Variants in DRP2 observed in about 807,000 individuals in gnomAD.
DRP2 encodes dystrophin related protein 2.
DRP2 carries 29 observed loss-of-function variants against 78.2 expected under a neutral mutation model. The observed-to-expected ratio is 0.37, with a 90% CI of 0.28 to 0.51. DRP2 has a LOEUF of 0.51. Ranked by LOEUF, DRP2 falls within the 20% of genes least tolerant of loss-of-function variation. DRP2 has a pLI of 0.94. For synonymous variants in DRP2, 290 were observed against 281.9 expected (o/e 1.03, Z -0.29); for missense variants, 686 against 770.6 (o/e 0.89, Z 1.30).
Position 101,242,410 on chromosome X carries a change from A to G in DRP2, c.914A>G (p.His305Arg). Residue 305 changes from histidine to arginine, a missense_variant, in exon 8 of 24, where the codon CAC (histidine) becomes CGC (arginine). By Grantham distance (29) the His-to-Arg change is conservative (BLOSUM62 0). Coordinates refer to ENST00000395209, the MANE Select transcript of DRP2 (RefSeq NM_001939.3). ...CACCAACTTGCCATTTCTGATGTGC[A>G]CTTGTCAATGGAGAATTCCCAGGCC... ...LAHQLAISDV[H>R]LSMENSQALE... 1 of 1,211,794 alleles carries G rather than the reference A, an allele frequency of 8.3e-7. No individual in the cohort carries two copies. The highest frequency in any genetic ancestry group is 1.1e-6 in the Non-Finnish European group (1 of 895,530).
In DRP2 at chrX:101,250,576, G is replaced by A. The variant is rs778779918; in HGVS notation, c.1694G>A (p.Arg565His). 1.3e-5 allele frequency: 15 copies of A among 1,190,654 alleles called. No homozygotes were observed. Among genetic ancestry groups the A allele is most frequent in the East Asian group, 3.0e-5 (1 of 33,436 alleles). The part of the protein sequence containing the change: ...NVEPSVRSCF[R>H]FSTGKPVIEA... The stretch of plus-strand genomic sequence containing the variant: ...GAGCCCAGTGTCCGTAGTTGCTTCC[G>A]TTTTGTGAGTATGGAACTGGGGAGT... Residue 565 changes from arginine to histidine, a missense_variant, in exon 15 of 24, where the codon CGT (arginine) becomes CAT (histidine). By Grantham distance (29) the Arg-to-His change is conservative. Coordinates refer to ENST00000395209, the MANE Select transcript of DRP2 (RefSeq NM_001939.3).
intron 23 of DRP2, 35 bp downstream of exon 23, chrX:101,260,204 C>T (rs1240981600): frequency 8.3e-7 from 1 of 1,204,028 alleles, no homozygotes; most frequent in African/African-American, 1.8e-5. Flanking sequence ...CCCCTTTCTC[C>T]ATGGCTTTGT....
rs1200281492 is a variant in DRP2 at position 101,224,610 on chromosome X, A to T, written c.-160A>T. Reference sequence around the variant, plus strand: ...ACCTCTTTCTTTTTAACAGCTACATAATATTCGCCGTGTGAGTGGCTATCG... The same window carrying T: ...ACCTCTTTCTTTTTAACAGCTACATTATATTCGCCGTGTGAGTGGCTATCG... On this transcript the variant is annotated 5_prime_UTR_variant, in exon 2 of 24. Coordinates refer to ENST00000395209, the MANE Select transcript of DRP2 (RefSeq NM_001939.3). 1 of 112,378 alleles carries T rather than the reference A, an allele frequency of 8.9e-6. No homozygotes were observed. Among genetic ancestry groups the T allele is most frequent in the Non-Finnish European group, 1.9e-5 (1 of 53,234 alleles). The allele number at this position is 112,378 out of a possible 1,213,427, so 9.3% of individuals were successfully genotyped here.
intron 23 of DRP2, 37 bp from the exon 24 acceptor site, chrX:101,260,460 T>C (rs780075232): frequency 1.7e-6 from 2 of 1,196,547 alleles, no homozygotes; most frequent in Admixed American, 2.2e-5. Context: ...TAAAGGAGTC[T>C]CTAGTTCTCT....
At position 101,256,553 on chromosome X, in the gene DRP2, T is replaced by A. The variant is rs1602935662; in HGVS notation, c.2390+292T>A. Among the ~76,000 whole-genome samples, 4 of 33,391 alleles carry A rather than the reference T, an allele frequency of 1.2e-4. No individual in the cohort carries two copies. The Admixed American group carries it at 1.8e-3, about 15-fold the overall frequency. The allele number at this position is 33,391 out of a possible 115,157, so 29.0% of individuals were successfully genotyped here. A position where few individuals can be genotyped will look rare whatever the true frequency, so the allele number is the denominator to read the frequency against. On this transcript the variant is annotated intron_variant, in intron 21 of 23. Transcript: ENST00000395209. ...TAATAATTATTTGAAAACTTTTAAA[T>A]TTTTTTTTTTTTTGAGACAGAGTCT...
chrX:101,263,571 T>C lies in DRP2; in HGVS notation c.*2950T>C, dbSNP rs964714799. ...TGACAGCAGAGTGGATTCACATTGA[T>C]TGGGCATTGTCACGGAAGGCTGACT... On this transcript the variant is annotated 3_prime_UTR_variant, in exon 24 of 24. Transcript: ENST00000395209. The C allele has an allele frequency of 8.9e-6, 1 of 112,318 alleles. No individual in the cohort carries two copies. Among genetic ancestry groups the C allele is most frequent in the Non-Finnish European group, 1.9e-5 (1 of 53,271 alleles). The allele number at this position is 112,318 out of a possible 1,213,427, so 9.3% of individuals were successfully genotyped here. A position where few individuals can be genotyped will look rare whatever the true frequency, so the allele number is the denominator to read the frequency against.
At chrX:101,242,804 C>T (rs750150243) in intron 8 of DRP2, 100 bp from the exon 9 acceptor site, 26 of 819,711 alleles carry the variant, frequency 3.2e-5, no homozygotes, top group Non-Finnish European at 4.3e-5. Flanking sequence ...AGAGAAAAGC[C>T]AGTCCCTGAG....
At chrX:101,249,455 A>G (rs1923051505) in intron 14 of DRP2, among the ~76,000 whole-genome samples, 1 of 111,918 alleles carries the variant, frequency 8.9e-6, no homozygotes, top group South Asian at 3.8e-4. Context: ...ATTTATCATC[A>G]ATTTAAAAGT....
At chrX:101,231,475 T>C in intron 2 of DRP2, 110 bp from the exon 3 acceptor site, 2 of 517,015 alleles carry the variant, frequency 3.9e-6, no homozygotes, top group Admixed American at 5.3e-5. Flanking sequence ...GGTAGGTCAG[T>C]AAGTTTTGAA....
In DRP2 at chrX:101,260,847, A is replaced by C. The variant is rs745316339; in HGVS notation, c.*226A>C. 7.6e-5 allele frequency: 27 copies of C among 356,431 alleles called. No homozygotes were observed. The highest frequency in any genetic ancestry group is 6.6e-4 in the African/African-American group (25 of 37,696). 29.4% of individuals were successfully genotyped at this position (356,431 alleles called of 1,213,427 possible). A position where few individuals can be genotyped will look rare whatever the true frequency, so the allele number is the denominator to read the frequency against. ...TTCTGACCCTAGAAATGTTCCCTTTAATCTTCAAGTTCGAGATCAGCCCTT... is the reference window on the plus strand; with the variant it reads ...TTCTGACCCTAGAAATGTTCCCTTTCATCTTCAAGTTCGAGATCAGCCCTT... On this transcript the variant is annotated 3_prime_UTR_variant, in exon 24 of 24. Transcript: ENST00000395209.
chrX:101,258,069 A>G (rs1162246188), intron 21 of DRP2, among the ~76,000 whole-genome samples: 4 of 110,134 alleles, frequency 3.6e-5, no homozygotes, highest in Non-Finnish European at 7.6e-5. Context: ...TTCTTACGCA[A>G]AATGTCAACT....
At chrX:101,252,814 C>A in intron 17 of DRP2, 98 bp downstream of exon 17, 1 of 627,838 alleles carries the variant, frequency 1.6e-6, no homozygotes, top group Non-Finnish European at 2.4e-6. Flanking sequence ...TTCTGCTCTC[C>A]CGTGGGGAGC....
intron 4 of DRP2, among the ~76,000 whole-genome samples, chrX:101,237,248 A>G (rs1447734838): frequency 8.9e-6 from 1 of 112,187 alleles, no homozygotes; most frequent in African/African-American, 3.2e-5. Context: ...TACCAGGGCA[A>G]GAGGGGAACC....
rs775363886 is a variant in DRP2 at position 101,258,379 on chromosome X, G to A, written c.2461G>A (p.Asp821Asn). 6 of 1,203,829 alleles carry A rather than the reference G, an allele frequency of 5.0e-6. No homozygotes were observed. Among genetic ancestry groups the A allele is most frequent in the Non-Finnish European group, 6.7e-6 (6 of 891,504 alleles). Residue 821 changes from aspartate (D) to asparagine (N), a missense_variant, in exon 22 of 24, where the codon GAC becomes AAC. Around this residue, in one of 2 missense-constraint regions of DRP2, gnomAD observed 423 missense variants for 531.5 expected, o/e 0.80. Coordinates refer to ENST00000395209, the MANE Select transcript of DRP2 (RefSeq NM_001939.3). ...EEAAEAPSLA[D>N]GSTEAATDHR... ...GGCAGCTGAGGCACCCAGTCTGGCT[G>A]ACGGCTCCACTGAGGCAGCAACAGA...
chrX:101,239,111 C>A lies in DRP2; in HGVS notation c.559+10C>A. On this transcript the variant is annotated intron_variant, in intron 6 of 23. Coordinates refer to ENST00000395209, the MANE Select transcript of DRP2 (RefSeq NM_001939.3). Reference sequence around the variant, plus strand: ...CATTCTGAGAGCAAAGGTAGGTGGTCTTCTGTTTTTCCCACTTCTTCTTGA... The same window carrying A: ...CATTCTGAGAGCAAAGGTAGGTGGTATTCTGTTTTTCCCACTTCTTCTTGA... 8.3e-7 allele frequency: 1 copy of A among 1,205,818 alleles called. No homozygotes were observed. The highest frequency in any genetic ancestry group is 1.8e-5 in the South Asian group (1 of 55,963).
At position 101,242,382 on chromosome X, in the gene DRP2, G is replaced by T. The variant is rs1377599280; in HGVS notation, c.886G>T (p.Ala296Ser). The T allele has an allele frequency of 8.3e-7, 1 of 1,211,581 alleles. No homozygotes were observed. Among genetic ancestry groups the T allele is most frequent in the South Asian group, 1.8e-5 (1 of 56,934 alleles). ...TGGAGTAAAGTTGGTGAATGATCTG[G>T]CCCACCAACTTGCCATTTCTGATGT... ...KDGVKLVNDL[A>S]HQLAISDVHL... The change falls in exon 8 of 24, where the codon GCC becomes TCC. Residue 296 changes from alanine to serine, a missense_variant. Transcript: ENST00000395209.
Position 101,260,891 on chromosome X carries a change from A to G in DRP2, c.*270A>G. On this transcript the variant is annotated 3_prime_UTR_variant, in exon 24 of 24. Transcript: ENST00000395209. ...AGCCCTTTAAGTACCTTTCTGTTGC[A>G]GCCCAGGCAAATATCACTTGGCCAT... is the stretch of plus-strand genomic sequence containing the variant. 3.5e-6 allele frequency: 1 copy of G among 282,526 alleles called. No homozygotes were observed. Among genetic ancestry groups the G allele is most frequent in the Non-Finnish European group, 6.2e-6 (1 of 162,553 alleles). 23.3% of individuals were successfully genotyped at this position (282,526 alleles called of 1,213,427 possible).
chrX:101,254,568 A>C lies in DRP2; in HGVS notation c.2114+7A>C, dbSNP rs754154547. 8.3e-7 allele frequency: 1 copy of C among 1,211,799 alleles called. No homozygotes were observed. The highest frequency in any genetic ancestry group is 2.2e-5 in the Admixed American group (1 of 46,088). On this transcript the variant is annotated splice_region_variant and intron_variant, in intron 18 of 23. Transcript: ENST00000395209. ...AGGCTGACTACAGTGAGACGTGAGT[A>C]CTGGTGGCTGAGCAGGGGCTGTGGG...
intron 16 of DRP2, chrX:101,251,431 A>C (rs1435950329): frequency 7.4e-6 from 1 of 134,458 alleles, no homozygotes; most frequent in Admixed American, 7.8e-5. Flanking sequence ...AGCATTTGCT[A>C]ATTTCTGTGA....
Sources: allele counts gnomAD v4.1 joint callset (sites outside exome capture counted in the v4.1 genomes callset), GRCh38; gene constraint gnomAD v4.1.1; regional missense constraint gnomAD v4.1.1; transcripts MANE v1.5; gene names NCBI Gene and HGNC (gene_info 2026-07-23, HGNC 2026-07-21).